GARIN1A: variants seen among roughly 807,000 people sequenced by gnomAD.
GARIN1A encodes golgi associated RAB2 interactor 1A, also known as Golgi-associated RAB2 interactor protein 1A.
the GARIN1A span, among the ~76,000 whole-genome samples, chr7:128,708,007 CTTTTCTTTTG>C: frequency 6.8e-6 from 1 of 146,952 alleles, no homozygotes; most frequent in Admixed American, 6.9e-5. Flanking sequence ...TTCTCTCCTT[CTTTTCTTTTG>C]TTTTCTTTTA....
chr7:128,690,088 T>C, the GARIN1A span, among the ~76,000 whole-genome samples: 1 of 152,272 alleles, frequency 6.6e-6, no homozygotes, highest in African/African-American at 2.4e-5. Flanking sequence ...CTTGGGATGC[T>C]GTTGATCTAT....
At chr7:128,694,377 A>G in the GARIN1A span, among the ~76,000 whole-genome samples, 19 of 152,124 alleles carry the variant, frequency 1.2e-4, no homozygotes, top group African/African-American at 4.6e-4. Flanking sequence ...ACTAAAAAAT[A>G]CAAAAATTAG....
chr7:128,688,209 A>ATC, the GARIN1A span, among the ~76,000 whole-genome samples: 1 of 152,108 alleles, frequency 6.6e-6, no homozygotes, highest in Non-Finnish European at 1.5e-5. Flanking sequence ...ATGGGGTTTC[A>ATC]CTAGGTTGGC....
At chr7:128,708,485 GA>G in the GARIN1A span, among the ~76,000 whole-genome samples, 72 of 151,788 alleles carry the variant, frequency 4.7e-4, no homozygotes, top group African/African-American at 1.7e-3. Context: ...TGTCTCTAAT[GA>G]GACAGTGCTG....
the GARIN1A span, among the ~76,000 whole-genome samples, chr7:128,673,386 T>C: frequency 1.3e-5 from 2 of 152,154 alleles, no homozygotes; most frequent in Non-Finnish European, 2.9e-5. Context: ...GCATTCTCTC[T>C]GGACTTTGGC....
chr7:128,679,006 T>TTATGTAACGATTGTTACATATATATG, the GARIN1A span, among the ~76,000 whole-genome samples: 1 of 148,798 alleles, frequency 6.7e-6, no homozygotes, highest in Non-Finnish European at 1.5e-5. Flanking sequence ...ACATATATAC[T>TTATGTAACGATTGTTACATATATATG]TATGTAACGA....
At chr7:128,688,424 T>C in the GARIN1A span, among the ~76,000 whole-genome samples, 9 of 152,200 alleles carry the variant, frequency 5.9e-5, no homozygotes, top group Non-Finnish European at 1.3e-4. Context: ...TTAAATAACA[T>C]ACATCACTGC....
the GARIN1A span, chr7:128,675,547 T>G: frequency 3.4e-6 from 3 of 883,054 alleles, no homozygotes; most frequent in Non-Finnish European, 5.4e-6. Flanking sequence ...AAAGGATCAA[T>G]AGCAGGTCAG....
chr7:128,681,412 T>C, the GARIN1A span, among the ~76,000 whole-genome samples: 6 of 151,328 alleles, frequency 4.0e-5, no homozygotes, highest in Non-Finnish European at 8.8e-5. Flanking sequence ...CTTTCTCTCG[T>C]TTCTTTCTTT....
the GARIN1A span, chr7:128,690,960 C>T: frequency 2.0e-5 from 3 of 152,052 alleles, no homozygotes; most frequent in South Asian, 2.1e-4. Context: ...GAGACTTACG[C>T]TTATGGCAAA....
the GARIN1A span, among the ~76,000 whole-genome samples, chr7:128,696,158 G>A: frequency 6.6e-6 from 1 of 151,876 alleles, no homozygotes; most frequent in African/African-American, 2.4e-5. Flanking sequence ...GACTGCAGGT[G>A]AGCAACGATG....
the GARIN1A span, chr7:128,691,754 G>A: frequency 0.35 from 53,689 of 152,198 alleles, 9,707 homozygotes; most frequent in South Asian, 0.45. Context: ...CCAGGTCCAA[G>A]AACCCTCTCT....
At chr7:128,672,472 CCTT>C in the GARIN1A span, 9 of 1,608,570 alleles carry the variant, frequency 5.6e-6, no homozygotes, top group African/African-American at 1.3e-5. Context: ...TGGAAAATGG[CCTT>C]CTTTGTCAAC....
At chr7:128,675,534 T>C in the GARIN1A span, 667,682 of 791,556 alleles carry the variant, frequency 0.84, 282,661 homozygotes, top group Middle Eastern at 0.89. Flanking sequence ...GGGAGGCCAA[T>C]GAAAAGGATC....
At chr7:128,692,729 C>T in the GARIN1A span, among the ~76,000 whole-genome samples, 1 of 152,012 alleles carries the variant, frequency 6.6e-6, no homozygotes, top group Non-Finnish European at 1.5e-5. Context: ...AAATAAGCAG[C>T]GGGTTAATTA....
chr7:128,679,354 A>G, the GARIN1A span, among the ~76,000 whole-genome samples: 1 of 151,884 alleles, frequency 6.6e-6, no homozygotes, highest in Non-Finnish European at 1.5e-5. Flanking sequence ...CACCACGCCC[A>G]GCTAATTTTT....
chr7:128,707,266 AAGAT>A, the GARIN1A span, among the ~76,000 whole-genome samples: 1 of 148,438 alleles, frequency 6.7e-6, no homozygotes, highest in African/African-American at 2.5e-5. Context: ...TGTTCAATAT[AAGAT>A]CTACCCTCTT....
At chr7:128,678,934 A>T in the GARIN1A span, among the ~76,000 whole-genome samples, 1 of 151,788 alleles carries the variant, frequency 6.6e-6, no homozygotes, top group African/African-American at 2.4e-5. Context: ...GCATTGTTGC[A>T]TACATATATA....
At chr7:128,681,619 A>C in the GARIN1A span, among the ~76,000 whole-genome samples, 1 of 151,472 alleles carries the variant, frequency 6.6e-6, no homozygotes, top group Non-Finnish European at 1.5e-5. Flanking sequence ...CTCCCACCTC[A>C]GCCTCCCAAG....
Sources: allele counts gnomAD v4.1 joint callset (sites outside exome capture counted in the v4.1 genomes callset), GRCh38; gene constraint gnomAD v4.1.1; transcripts MANE v1.5; gene names NCBI Gene and HGNC (gene_info 2026-07-23, HGNC 2026-07-21).